The following NDRG4 variants were observed in gnomAD, a reference collection of about 807,000 sequenced individuals.
NDRG4 encodes the protein NDRG family member 4.
Under a neutral mutation model 55.8 loss-of-function variants are expected in NDRG4, and 38 were observed. That is an observed-to-expected ratio of 0.68 (90% CI 0.53 to 0.89). The LOEUF (loss-of-function observed/expected upper bound fraction) is 0.89, where lower values mean the gene tolerates loss of function less well. NDRG4 is among the 40% of genes least tolerant of loss of function. NDRG4 has a pLI of 0.00. For synonymous variants in NDRG4, 190 were observed against 182.7 expected, an observed-to-expected ratio of 1.04 and a Z score of -0.32; for missense variants, 455 against 468.6, an observed-to-expected ratio of 0.97 and a Z score of 0.27.
In NDRG4 at chr16:58,464,847, C is replaced by T. The variant is rs1196547594; in HGVS notation, c.-24+1050C>T. The T allele has an allele frequency of 4.1e-6, 5 of 1,225,182 alleles. No individual in the cohort carries two copies. Among genetic ancestry groups the T allele is most frequent in the African/African-American group, 1.6e-5 (1 of 63,892 alleles). The allele number at this position is 1,225,182 out of a possible 1,614,324, so 75.9% of individuals were successfully genotyped here. A position where few individuals can be genotyped will look rare whatever the true frequency, so the allele number is the denominator to read the frequency against. On this transcript the variant is annotated intron_variant, in intron 1 of 15. Transcript: ENST00000258187. This position sits in a 1 kb window ranked among gnomAD's most constrained non-coding sequence, Gnocchi z 4.8. Reference sequence around the variant, plus strand: ...GACCCGCGCCATGGACCTCTTATTTCTGCGCCCTGTGACAATCTGAGCCGT... The same window carrying T: ...GACCCGCGCCATGGACCTCTTATTTTTGCGCCCTGTGACAATCTGAGCCGT...
intron 8 of NDRG4, 54 bp from the exon 9 acceptor site, chr16:58,507,754 T>C: frequency 6.4e-7 from 1 of 1,566,514 alleles, no homozygotes; most frequent in Non-Finnish European, 8.8e-7. Context: ...GGGATGCCCC[T>C]CATCCTGTCC....
upstream of NDRG4, among the ~76,000 whole-genome samples, chr16:58,496,225 A>T (rs1173205708): frequency 1.3e-5 from 2 of 151,924 alleles, no homozygotes; most frequent in African/African-American, 4.8e-5. Context: ...AGACCCTACC[A>T]TACCTCTGGG....
chr16:58,505,708 A>ATTTTTTTTT (rs869263659), intron 5 of NDRG4, among the ~76,000 whole-genome samples: 2 of 70,626 alleles, frequency 2.8e-5, no homozygotes, highest in African/African-American at 1.2e-4. Context: ...TGAGGGCTTC[A>ATTTTTTTTT]TTTTCTTTTT....
At chr16:58,495,519 C>G (rs2036290027), upstream of NDRG4, 1 of 157,600 alleles carries the variant, frequency 6.3e-6, no homozygotes, top group Admixed American at 6.0e-5. Flanking sequence ...ACTGGCCATC[C>G]CGACATGCTG....
chr16:58,513,168 A>ATGTGTGTGTGTGTGTGTGTGTG lies in NDRG4; in HGVS notation c.*1600_*1621dup, dbSNP rs60858251. 1 of 150,136 alleles carries ATGTGTGTGTGTGTGTGTGTGTG rather than the reference A, an allele frequency of 6.7e-6. No homozygotes were observed. The highest frequency in any genetic ancestry group is 1.5e-5 in the Non-Finnish European group (1 of 67,546). The allele number at this position is 150,136 out of a possible 1,614,324, so 9.3% of individuals were successfully genotyped here. On this transcript the variant is annotated 3_prime_UTR_variant, in exon 15 of 15. Coordinates refer to ENST00000570248, the MANE Select transcript of NDRG4 (RefSeq NM_001242835.2). ...GTATCTATAAATATCTATACATTAT[A>ATGTGTGTGTGTGTGTGTGTGTG]TGTGTGTGTGTGTGTGTGTGTGTGT...
chr16:58,465,046 C>T, intron 1 of NDRG4: 2 of 1,267,054 alleles, frequency 1.6e-6, no homozygotes, highest in Non-Finnish European at 2.0e-6. Flanking sequence ...GGCTGGAGAG[C>T]AAGAGCGAAC....
At chr16:58,500,486 C>G in intron 1 of NDRG4, 1 of 552,248 alleles carries the variant, frequency 1.8e-6, no homozygotes, top group Non-Finnish European at 3.0e-6. Flanking sequence ...AGTCAGAGCC[C>G]ATAGCAGGGG....
intron 1 of NDRG4, among the ~76,000 whole-genome samples, chr16:58,477,767 G>A (rs1296619020): frequency 6.6e-6 from 1 of 151,944 alleles, no homozygotes. Flanking sequence ...AAATTAGCAG[G>A]GGTAAGGGGG....
At chr16:58,499,898 T>TG, upstream of NDRG4, 2 of 439,486 alleles carry the variant, frequency 4.6e-6, no homozygotes, top group East Asian at 4.8e-5. Flanking sequence ...GCCTATGTGC[T>TG]GGGGGCGGAT....
In NDRG4 at chr16:58,510,645, T is replaced by G. The variant is rs771075190; in HGVS notation, c.866T>G (p.Ile289Ser). ...TCTCCGGCTCTGTCTTCTCTCTTAGTTGCGTACTTGAAGGACCGAAGGCTG... is the reference window on the plus strand; with the variant it reads ...TCTCCGGCTCTGTCTTCTCTCTTAGGTGCGTACTTGAAGGACCGAAGGCTG... The part of the protein sequence containing the change: ...FKYFLQGMGY[I>S]AYLKDRRLSG... Residue 289 changes from isoleucine to serine, a missense_variant and splice_region_variant, in exon 14 of 15, where the codon ATT (isoleucine) becomes AGT (serine). Transcript: ENST00000570248. 2.1e-5 allele frequency: 32 copies of G among 1,536,062 alleles called. No individual in the cohort carries two copies. The highest frequency in any genetic ancestry group is 2.8e-5 in the Non-Finnish European group (32 of 1,146,872).
chr16:58,494,832 T>TTA, intron 2 of NDRG4: 13 of 543,818 alleles, frequency 2.4e-5, no homozygotes, highest in South Asian at 2.5e-5. Flanking sequence ...ACCCTGTCTC[T>TTA]AAAAAAAAAA....
Position 58,504,403 on chromosome 16 carries a change from G to A in NDRG4, c.293G>A (p.Ser98Asn). The part of the protein sequence containing the change: ...SMEQLAAMLP[S>N]VVQHFGFKYV... ...GAGCAGCTGGCTGCCATGCTCCCCA[G>A]CGTGGTGCAGCATTTCGGGTGAGTC... The change falls in exon 4 of 15, where the codon AGC becomes AAC. Residue 98 changes from serine (S) to asparagine (N), a missense_variant. Ser to Asn is a conservative substitution (Grantham distance 46). Transcript: ENST00000570248. The A allele has an allele frequency of 6.2e-7, 1 of 1,612,592 alleles. No homozygotes were observed.
chr16:58,506,157 T>TG, intron 5 of NDRG4: 1 of 294,712 alleles, frequency 3.4e-6, no homozygotes, highest in Non-Finnish European at 5.6e-6. Flanking sequence ...TGTGTGTGTG[T>TG]CTGTGTGTGT....
Position 58,465,091 on chromosome 16 carries a change from C to CGG in NDRG4, c.-24+1300_-24+1301dup, listed in dbSNP as rs202149077. ...GAGGAGGTGGGAAAGGGAGCAGGGA[C>CGG]GGGGGGGAGGATTCGAGGAGTGACT... is the stretch of plus-strand genomic sequence containing the variant. On this transcript the variant is annotated intron_variant, in intron 1 of 15. Transcript: ENST00000258187. 1,432 of 1,285,350 alleles carry CGG rather than the reference C, an allele frequency of 1.1e-3. 17 individuals are homozygous for CGG. The South Asian group carries it at 0.017, about 15-fold the overall frequency. The allele number at this position is 1,285,350 out of a possible 1,614,324, so 79.6% of individuals were successfully genotyped here.
At chr16:58,497,840 G>A (rs1442587196), upstream of NDRG4, among the ~76,000 whole-genome samples, 1 of 152,196 alleles carries the variant, frequency 6.6e-6, no homozygotes, top group Non-Finnish European at 1.5e-5. Flanking sequence ...CAGGACCTGG[G>A]CAGGGGTGGG....
At position 58,512,089 on chromosome 16, in the gene NDRG4, C is replaced by A. The variant is rs568394575; in HGVS notation, c.*513C>A. 2.2e-6 allele frequency: 1 copy of A among 456,782 alleles called. No individual in the cohort carries two copies. The highest frequency in any genetic ancestry group is 6.9e-5 in the East Asian group (1 of 14,398). 28.3% of individuals were successfully genotyped at this position (456,782 alleles called of 1,614,324 possible). A position where few individuals can be genotyped will look rare whatever the true frequency, so the allele number is the denominator to read the frequency against. ...TGGACAACAGCCACAAGGGGGCGCT[C>A]GGACCAGGCAGCCACTTTCCTGGTG... On this transcript the variant is annotated 3_prime_UTR_variant, in exon 15 of 15. Coordinates refer to ENST00000570248, the MANE Select transcript of NDRG4 (RefSeq NM_001242835.2).
chr16:58,479,040 T>C (rs1158255256), intron 1 of NDRG4, among the ~76,000 whole-genome samples: 1 of 152,104 alleles, frequency 6.6e-6, no homozygotes, highest in Non-Finnish European at 1.5e-5. Flanking sequence ...ATTATTATTA[T>C]TATTTTGAGA....
rs756988629 is a variant in NDRG4, at chr16:58,506,270, C to G, written c.373-117C>G. On this transcript the variant is annotated intron_variant, in intron 5 of 14. Transcript: ENST00000570248. Reference sequence around the variant, plus strand: ...GGGCATCTGGACATGGGTGTGCATGCACAGACCCGGCTGTAGCCGGGTGGC... The same window carrying G: ...GGGCATCTGGACATGGGTGTGCATGGACAGACCCGGCTGTAGCCGGGTGGC... 3 of 967,548 alleles carry G rather than the reference C, an allele frequency of 3.1e-6. No homozygotes were observed. The African/African-American group carries it at 4.8e-5, about 15-fold the overall frequency. 59.9% of individuals were successfully genotyped at this position (967,548 alleles called of 1,614,324 possible).
At chr16:58,478,889 T>C (rs1049265377) in intron 1 of NDRG4, among the ~76,000 whole-genome samples, 1 of 152,068 alleles carries the variant, frequency 6.6e-6, no homozygotes, top group Non-Finnish European at 1.5e-5. Flanking sequence ...AAAAAGAATC[T>C]CCCTTTTATA....
Sources: allele counts gnomAD v4.1 joint callset (sites outside exome capture counted in the v4.1 genomes callset), GRCh38; gene constraint gnomAD v4.1.1; non-coding constraint Gnocchi (gnomAD v3.1); transcripts MANE v1.5; gene names NCBI Gene and HGNC (gene_info 2026-07-23, HGNC 2026-07-21).